Variants in RUVBL1 observed in about 807,000 individuals in gnomAD.
RUVBL1 encodes the protein ruvB-like 1.
In RUVBL1, 4 loss-of-function variants were observed where a neutral mutation model predicts 52.4. That is an observed-to-expected ratio of 0.08 (90% confidence interval 0.04 to 0.17). The LOEUF is 0.17. RUVBL1 is among the 10% of genes least tolerant of loss of function. RUVBL1 has a pLI of 1.00. For missense variants in RUVBL1, 298 were observed against 572.8 expected (o/e 0.52, Z 4.90); for synonymous variants, 217 against 214.4 (o/e 1.01, Z -0.10).
Position 128,067,787 on chromosome 3 carries a change from G to T in RUVBL1, c.940-2567C>A, listed in dbSNP as rs1289740931. The T allele has an allele frequency of 8.9e-6, 6 of 671,878 alleles. No homozygotes were observed. Among genetic ancestry groups the T allele is most frequent in the Non-Finnish European group, 1.5e-5 (6 of 390,898 alleles). The allele number at this position is 671,878 out of a possible 1,614,324, so 41.6% of individuals were successfully genotyped here. On this transcript the variant is annotated intron_variant, in intron 9 of 9. Transcript: ENST00000464873. This position sits in a 1 kb window ranked among gnomAD's most constrained non-coding sequence, Gnocchi z 4.1. ...ACAGATGGAGTCCAGCAGTAGATCA[G>T]CTGTGGGTATGAGAATCTGAATCCA...
intron 1 of RUVBL1, among the ~76,000 whole-genome samples, chr3:128,133,129 T>A (rs764874705): frequency 6.6e-6 from 1 of 152,072 alleles, no homozygotes; most frequent in Non-Finnish European, 1.5e-5. Context: ...CCTGGGTTGG[T>A]TGTGACCACA....
intron 1 of RUVBL1, among the ~76,000 whole-genome samples, chr3:128,140,701 A>G (rs1319046965): frequency 6.6e-6 from 1 of 152,216 alleles, no homozygotes; most frequent in East Asian, 1.9e-4. Flanking sequence ...CATATAAGAT[A>G]GTGGTCTCAT....
intron 1 of RUVBL1, among the ~76,000 whole-genome samples, chr3:128,152,602 C>T (rs547841570): frequency 1.4e-4 from 22 of 152,120 alleles, no homozygotes; most frequent in African/African-American, 4.3e-4. Context: ...TGTAGCCCAG[C>T]GGAACCCACC....
chr3:128,097,187 C>T (rs2107686589), intron 8 of RUVBL1, 113 bp downstream of exon 8: 1 of 1,055,894 alleles, frequency 9.5e-7, no homozygotes, highest in Non-Finnish European at 1.4e-6. Context: ...TCAAAAACAA[C>T]ATGACCTCCC....
In RUVBL1 at chr3:128,082,601, A is replaced by C. The variant is rs745934972; in HGVS notation, c.1120-27T>G. 5 of 1,548,902 alleles carry C rather than the reference A, an allele frequency of 3.2e-6. No individual in the cohort carries two copies. Among genetic ancestry groups the C allele is most frequent in the Non-Finnish European group, 4.4e-6 (5 of 1,126,882 alleles). ...TTTTAAAGGATAAAAAACATGATCA[A>C]CGGTGACTGACCTCAAGTGCCCCAT... On this transcript the variant is annotated intron_variant, in intron 9 of 10. Coordinates refer to ENST00000322623, the MANE Select transcript of RUVBL1 (RefSeq NM_003707.3). The surrounding 1 kb of genome is among the most constrained non-coding windows in gnomAD (Gnocchi z 4.7).
At chr3:128,121,405 T>G (rs1048698368) in intron 1 of RUVBL1, among the ~76,000 whole-genome samples, 2 of 150,850 alleles carry the variant, frequency 1.3e-5, no homozygotes, top group Non-Finnish European at 3.0e-5. Context: ...CCAGATGCTA[T>G]ATTTCTAAAT....
chr3:128,149,343 C>T (rs1007848299), intron 1 of RUVBL1, among the ~76,000 whole-genome samples: 1 of 152,050 alleles, frequency 6.6e-6, no homozygotes. Flanking sequence ...CACCACCATG[C>T]CTGGCTAATT....
intron 1 of RUVBL1, among the ~76,000 whole-genome samples, chr3:128,142,177 C>G (rs145677922): frequency 2.6e-5 from 4 of 152,216 alleles, no homozygotes; most frequent in African/African-American, 9.6e-5. Flanking sequence ...AACCTGGCCA[C>G]ATCCGCTGAC....
intron 1 of RUVBL1, chr3:128,141,873 G>A (rs552164885): frequency 6.6e-6 from 1 of 152,384 alleles, no homozygotes; most frequent in African/African-American, 2.4e-5. Context: ...CCCCCTTCAT[G>A]ATTATGTTTT....
intron 9 of RUVBL1, among the ~76,000 whole-genome samples, chr3:128,086,404 G>A (rs1942647269): frequency 1.3e-5 from 2 of 152,244 alleles, no homozygotes; most frequent in African/African-American, 4.8e-5. Flanking sequence ...TCAACACGAT[G>A]CTCAACAAAG....
At chr3:128,087,899 A>G (rs1942698969) in intron 8 of RUVBL1, 91 bp from the exon 9 acceptor site, 4 of 911,608 alleles carry the variant, frequency 4.4e-6, no homozygotes, top group African/African-American at 1.6e-5. Flanking sequence ...CACCACAAGC[A>G]GCTGGCTAGG....
At chr3:128,119,557 C>T (rs979562006) in intron 1 of RUVBL1, 143 bp from the exon 2 acceptor site, 2 of 601,114 alleles carry the variant, frequency 3.3e-6, no homozygotes, top group Non-Finnish European at 5.6e-6. Flanking sequence ...GTTCTAGGTG[C>T]CGAGGGTAAC....
chr3:128,076,462 G>C (rs144167775), downstream of RUVBL1, among the ~76,000 whole-genome samples: 262 of 152,326 alleles, frequency 1.7e-3, 1 homozygote, highest in African/African-American at 6.1e-3. This position sits in a 1 kb window ranked among gnomAD's most constrained non-coding sequence, Gnocchi z 6.8. Context: ...TTTAGCCATG[G>C]GACCTGTGGA....
In RUVBL1 at chr3:128,082,124, TAAC is replaced by T. The variant is rs1033766580; in HGVS notation, c.1211+356_1211+358del. 2 of 203,626 alleles carry T rather than the reference TAAC, an allele frequency of 9.8e-6. No homozygotes were observed. Among genetic ancestry groups the T allele is most frequent in the Admixed American group, 1.1e-4 (2 of 18,922 alleles). The allele number at this position is 203,626 out of a possible 1,614,324, so 12.6% of individuals were successfully genotyped here. ...AAAGTTAAAGATTTACCAGGCCTCA[TAAC>T]ACCACCGGGAGAACAGGAGCCAGGG... On this transcript the variant is annotated intron_variant, in intron 10 of 10. Transcript: ENST00000322623. The surrounding 1 kb of genome is among the most constrained non-coding windows in gnomAD (Gnocchi z 4.7).
At chr3:128,075,424 T>G (rs1942285971) in intron 9 of RUVBL1, among the ~76,000 whole-genome samples, 1 of 152,058 alleles carries the variant, frequency 6.6e-6, no homozygotes, top group Non-Finnish European at 1.5e-5. Flanking sequence ...CGAGGTAGGT[T>G]TTCACGGTAC....
chr3:128,097,084 C>T (rs36059338), intron 8 of RUVBL1, among the ~76,000 whole-genome samples: 15 of 152,186 alleles, frequency 9.9e-5, no homozygotes, highest in Admixed American at 2.0e-4. Flanking sequence ...CAAAAGATCA[C>T]GTGGGAGACC....
chr3:128,153,553 A>G, exon 1 of RUVBL1: 2 of 1,531,326 alleles, frequency 1.3e-6, no homozygotes, highest in Non-Finnish European at 1.7e-6. Context: ...GCTGGGCCAC[A>G]TCGACAGCGG....
At chr3:128,129,334 G>A (rs1943841561) in intron 1 of RUVBL1, among the ~76,000 whole-genome samples, 1 of 152,122 alleles carries the variant, frequency 6.6e-6, no homozygotes, top group Admixed American at 6.5e-5. Flanking sequence ...GAAATCATAA[G>A]GGAAATCAGA....
chr3:128,132,492 G>A (rs974931615), intron 1 of RUVBL1, among the ~76,000 whole-genome samples: 1 of 152,162 alleles, frequency 6.6e-6, no homozygotes, highest in Non-Finnish European at 1.5e-5. Flanking sequence ...CCTTCCTTCT[G>A]CTTGAGGAGA....
Sources: allele counts gnomAD v4.1 joint callset (sites outside exome capture counted in the v4.1 genomes callset), GRCh38; gene constraint gnomAD v4.1.1; non-coding constraint Gnocchi (gnomAD v3.1); transcripts MANE v1.5; gene names NCBI Gene and HGNC (gene_info 2026-07-23, HGNC 2026-07-21).